Variants in GLG1 observed in about 807,000 individuals in gnomAD.
The protein encoded by GLG1 is Golgi apparatus protein 1.
Under a neutral mutation model 160.5 loss-of-function variants are expected in GLG1, and 38 were observed. That is an observed-to-expected ratio of 0.24 (90% CI 0.18 to 0.31). The LOEUF is 0.31. Among genes scored for constraint, GLG1 ranks in the 10% least tolerant of loss-of-function variants. GLG1 has a pLI of 1.00. For synonymous variants in GLG1, 644 were observed against 543.4 expected (o/e 1.19, Z -2.57); for missense variants, 1,373 against 1,505.2 (o/e 0.91, Z 1.45).
intron 9 of GLG1, 144 bp downstream of exon 9, chr16:74,485,652 T>C (rs1010578985): frequency 1.5e-6 from 1 of 685,294 alleles, no homozygotes; most frequent in Non-Finnish European, 2.5e-6. Context: ...ATACTAGTTT[T>C]AATAAAAGTT....
At chr16:74,557,265 A>G (rs892481434) in intron 1 of GLG1, among the ~76,000 whole-genome samples, 4 of 152,206 alleles carry the variant, frequency 2.6e-5, no homozygotes, top group Non-Finnish European at 4.4e-5. Flanking sequence ...ACTTTTGTAG[A>G]TCTTTATTTC....
intron 1 of GLG1, among the ~76,000 whole-genome samples, chr16:74,594,763 A>C (rs889500861): frequency 6.6e-6 from 1 of 152,162 alleles, no homozygotes; most frequent in African/African-American, 2.4e-5. Context: ...TTTTTGAGAC[A>C]GACTCTCACT....
chr16:74,459,903 T>G, intron 22 of GLG1, 114 bp from the exon 23 acceptor site: 1 of 581,266 alleles, frequency 1.7e-6, no homozygotes, highest in South Asian at 2.4e-5. Context: ...TCACCCAGGC[T>G]GCAGTGCAGT....
At chr16:74,462,701 C>G in intron 20 of GLG1, 71 bp from the exon 21 acceptor site, 2 of 1,390,798 alleles carry the variant, frequency 1.4e-6, no homozygotes, top group South Asian at 2.3e-5. Context: ...TATCCACCTT[C>G]CTAAAGGGAG....
chr16:74,490,654 G>A (rs905665845), intron 8 of GLG1, among the ~76,000 whole-genome samples: 2 of 152,164 alleles, frequency 1.3e-5, no homozygotes, highest in African/African-American at 4.8e-5. Context: ...TCTTGGTAGA[G>A]GGCCTGTCGT....
At chr16:74,572,269 G>A (rs571801603) in intron 1 of GLG1, among the ~76,000 whole-genome samples, 12 of 152,262 alleles carry the variant, frequency 7.9e-5, no homozygotes, top group African/African-American at 2.9e-4. Context: ...CCAGCACTTG[G>A]GGAGGCCGAA....
Position 74,448,814 on chromosome 16 carries a change from A to G in GLG1, c.*4353T>C, listed in dbSNP as rs1191470510. 1.3e-5 allele frequency: 2 copies of G among 151,312 alleles called. No homozygotes were observed. The highest frequency in any genetic ancestry group is 4.9e-5 in the African/African-American group (2 of 41,138). The allele number at this position is 151,312 out of a possible 1,614,324, so 9.4% of individuals were successfully genotyped here. On this transcript the variant is annotated 3_prime_UTR_variant, in exon 26 of 26. Coordinates refer to ENST00000422840, the MANE Select transcript of GLG1 (RefSeq NM_001145667.2). ...GCTCACGCCTGTAATGCACTTTGGA[A>G]GGCCGAAGTGCACTTTGGCCGAAGT... is the stretch of plus-strand genomic sequence containing the variant.
intron 1 of GLG1, among the ~76,000 whole-genome samples, chr16:74,586,967 T>C (rs1958067540): frequency 1.3e-5 from 2 of 151,022 alleles, no homozygotes; most frequent in Admixed American, 6.7e-5. Context: ...AGTGCTGAGA[T>C]TATAGGCGTG....
chr16:74,545,397 T>A (rs1039540031), intron 1 of GLG1, among the ~76,000 whole-genome samples: 2 of 152,050 alleles, frequency 1.3e-5, no homozygotes, highest in Non-Finnish European at 2.9e-5. Context: ...CCCAGGCTGG[T>A]CTCGCACTCC....
At chr16:74,582,570 C>T (rs568574075) in intron 1 of GLG1, among the ~76,000 whole-genome samples, 2 of 152,170 alleles carry the variant, frequency 1.3e-5, no homozygotes, top group East Asian at 1.9e-4. Context: ...CCTGTAATCC[C>T]AGCACTTTGG....
At chr16:74,578,650 C>T (rs764650521) in intron 1 of GLG1, among the ~76,000 whole-genome samples, 2 of 152,164 alleles carry the variant, frequency 1.3e-5, no homozygotes, top group East Asian at 1.9e-4. Context: ...TAAAGGGAGA[C>T]GAAGAGATTA....
rs1377075360 is a variant in GLG1, at chr16:74,449,948, T to C, written c.*3219A>G. On this transcript the variant is annotated 3_prime_UTR_variant, in exon 26 of 26. Transcript: ENST00000422840. The stretch of plus-strand genomic sequence containing the variant: ...CTCCCCATCTGTGGGAGAAGCTCCA[T>C]TGTGAACAGTTCGTCTTGTTCTTAA... 2 of 152,252 alleles carry C rather than the reference T, an allele frequency of 1.3e-5. No homozygotes were observed. The highest frequency in any genetic ancestry group is 2.1e-4 in the South Asian group (1 of 4,832). 9.4% of individuals were successfully genotyped at this position (152,252 alleles called of 1,614,324 possible).
rs1567514006 is a variant in GLG1, at chr16:74,542,752, A to AGGAAG, written c.439-10604_439-10600dup. Among the ~76,000 whole-genome samples, 65 of 36,676 alleles carry AGGAAG rather than the reference A, an allele frequency of 1.8e-3. 4 individuals carry two copies. Among genetic ancestry groups the AGGAAG allele is most frequent in the Non-Finnish European group, 3.3e-3 (52 of 15,526 alleles). 24.1% of individuals were successfully genotyped at this position (36,676 alleles called of 152,430 possible). ...AAGGAAGGGAGGAAGGAAGGAAGGA[A>AGGAAG]GGAAGGAAGGAAGGAAGGAAGGAAG... On this transcript the variant is annotated intron_variant, in intron 1 of 25. Coordinates refer to ENST00000422840, the MANE Select transcript of GLG1 (RefSeq NM_001145667.2).
chr16:74,496,280 G>C (rs2016182876), intron 5 of GLG1, among the ~76,000 whole-genome samples, 161 bp downstream of exon 5: 1 of 152,028 alleles, frequency 6.6e-6, no homozygotes. Context: ...AAATTGGGGA[G>C]GCTGAGCTGG....
At position 74,452,616 on chromosome 16, in the gene GLG1, C is replaced by T; in HGVS notation, c.*551G>A. Reference sequence around the variant, plus strand: ...CTGCCCACCCACGCCTCGGTGAAGACCACGGCCCTGGCGAGGCCCCAAGGT... The same window carrying T: ...CTGCCCACCCACGCCTCGGTGAAGATCACGGCCCTGGCGAGGCCCCAAGGT... On this transcript the variant is annotated 3_prime_UTR_variant, in exon 26 of 26. Transcript: ENST00000422840. 1.0e-6 allele frequency: 1 copy of T among 1,000,686 alleles called. No homozygotes were observed. The highest frequency in any genetic ancestry group is 1.2e-6 in the Non-Finnish European group (1 of 838,322). The allele number at this position is 1,000,686 out of a possible 1,614,324, so 62.0% of individuals were successfully genotyped here. A position where few individuals can be genotyped will look rare whatever the true frequency, so the allele number is the denominator to read the frequency against.
intron 1 of GLG1, among the ~76,000 whole-genome samples, chr16:74,603,999 A>G (rs966691309): frequency 4.0e-5 from 6 of 151,640 alleles, no homozygotes; most frequent in Non-Finnish European, 8.8e-5. Flanking sequence ...AAAAAAAAAA[A>G]GAATCCCAAG....
chr16:74,460,855 C>G (rs1240749173), intron 22 of GLG1, among the ~76,000 whole-genome samples: 1 of 152,228 alleles, frequency 6.6e-6, no homozygotes, highest in East Asian at 1.9e-4. Context: ...ATAACCAAAT[C>G]AAATACGAAA....
intron 1 of GLG1, among the ~76,000 whole-genome samples, chr16:74,597,710 C>T (rs188613060): frequency 6.6e-6 from 1 of 151,430 alleles, no homozygotes; most frequent in African/African-American, 2.4e-5. Context: ...AAAAATTAGC[C>T]GGGCATGGTG....
chr16:74,470,672 T>A (rs2015173739), intron 15 of GLG1, among the ~76,000 whole-genome samples: 1 of 152,132 alleles, frequency 6.6e-6, no homozygotes, highest in African/African-American at 2.4e-5. Flanking sequence ...GGTCTCGAGT[T>A]CCTGACCTCA....
Sources: allele counts gnomAD v4.1 joint callset (sites outside exome capture counted in the v4.1 genomes callset), GRCh38; gene constraint gnomAD v4.1.1; transcripts MANE v1.5; gene names NCBI Gene and HGNC (gene_info 2026-07-23, HGNC 2026-07-21).